The following XYLB variants were observed in gnomAD, a reference collection of about 807,000 sequenced individuals.
The protein encoded by XYLB is xylulose kinase.
A neutral mutation model predicts 78.7 loss-of-function variants in XYLB; 62 were observed. The ratio of observed to expected loss-of-function variants is 0.79; its 90% CI spans 0.64 to 0.97. The LOEUF is 0.97. Ranked by LOEUF, XYLB falls within the 50% of genes least tolerant of loss-of-function variation. The pLI is 0.00. For missense variants in XYLB, 687 were observed against 676.8 expected, an observed-to-expected ratio of 1.02 and a Z score of -0.17; for synonymous variants, 245 against 247.4, an observed-to-expected ratio of 0.99 and a Z score of 0.09.
At chr3:38,381,171 T>C (rs1707125163) in intron 15 of XYLB, among the ~76,000 whole-genome samples, 1 of 152,238 alleles carries the variant, frequency 6.6e-6, no homozygotes, top group Admixed American at 6.5e-5. Flanking sequence ...GAAGATTTCA[T>C]GGACATTTAT....
the XYLB span, among the ~76,000 whole-genome samples, chr3:38,439,537 C>T: frequency 6.6e-6 from 1 of 152,098 alleles, no homozygotes. Flanking sequence ...CCGAGGCAGG[C>T]AGATCACAAG....
At chr3:38,419,860 G>T (rs185886899), downstream of XYLB, among the ~76,000 whole-genome samples, 169 of 151,390 alleles carry the variant, frequency 1.1e-3, no homozygotes, top group African/African-American at 3.6e-3. Context: ...TTGCTCTGTC[G>T]CCAGGCTGGA....
the XYLB span, among the ~76,000 whole-genome samples, chr3:38,431,082 T>A: frequency 3.3e-5 from 5 of 152,236 alleles, no homozygotes; most frequent in Non-Finnish European, 7.3e-5. Context: ...TTTTTTCCAA[T>A]TCTGTGAAGA....
the XYLB span, among the ~76,000 whole-genome samples, chr3:38,448,773 G>A: frequency 1.3e-5 from 2 of 152,126 alleles, no homozygotes; most frequent in Admixed American, 6.5e-5. Context: ...TCTAGGGCTG[G>A]TTTAGCTCCA....
At chr3:38,380,761 C>T (rs1707106065) in intron 15 of XYLB, among the ~76,000 whole-genome samples, 1 of 152,132 alleles carries the variant, frequency 6.6e-6, no homozygotes, top group African/African-American at 2.4e-5. Context: ...TGCTGAATAG[C>T]CCCACAGTGG....
intron 18 of XYLB, among the ~76,000 whole-genome samples, chr3:38,405,595 A>C (rs1276978625): frequency 6.6e-6 from 1 of 152,234 alleles, no homozygotes; most frequent in East Asian, 1.9e-4. Context: ...GCCTCACTCG[A>C]GAAGTGCAAG....
At chr3:38,447,612 T>A in the XYLB span, among the ~76,000 whole-genome samples, 7 of 151,514 alleles carry the variant, frequency 4.6e-5, no homozygotes, top group African/African-American at 9.7e-5. Context: ...TGTCACCACA[T>A]CTGGCCGAAA....
At chr3:38,420,697 A>G (rs528160790), downstream of XYLB, among the ~76,000 whole-genome samples, 70 of 151,266 alleles carry the variant, frequency 4.6e-4, no homozygotes, top group African/African-American at 1.6e-3. Context: ...GTCAGTGTTA[A>G]TAATACGTAT....
chr3:38,447,810 T>G, the XYLB span, among the ~76,000 whole-genome samples: 1 of 152,218 alleles, frequency 6.6e-6, no homozygotes, highest in Non-Finnish European at 1.5e-5. Flanking sequence ...TTGTTTATTA[T>G]TGCACTATTC....
intron 4 of XYLB, among the ~76,000 whole-genome samples, chr3:38,364,645 T>G (rs952727956): frequency 6.6e-6 from 1 of 150,802 alleles, no homozygotes; most frequent in South Asian, 2.2e-4. Flanking sequence ...CTGATACTCA[T>G]GACCACTTCC....
In XYLB at chr3:38,370,100, C is replaced by G. The variant is rs1559586881; in HGVS notation, c.691C>G (p.Gln231Glu). 1.2e-6 allele frequency: 2 copies of G among 1,614,224 alleles called. No homozygotes were observed. The highest frequency in any genetic ancestry group is 4.5e-5 in the East Asian group (2 of 44,884). The change falls in exon 9 of 19, where the codon CAG becomes GAG. Residue 231 changes from glutamine to glutamate, a missense_variant. Coordinates refer to ENST00000207870, the MANE Select transcript of XYLB (RefSeq NM_005108.4). ...GCAGATACAGGATAAAGTCTGGTCC[C>G]AGGCTTGCCTTGGTGCCTGTGCACC... ...LLQIQDKVWS[Q>E]ACLGACAPHL...
At chr3:38,391,447 A>G (rs1325916316) in intron 15 of XYLB, among the ~76,000 whole-genome samples, 1 of 152,172 alleles carries the variant, frequency 6.6e-6, no homozygotes, top group African/African-American at 2.4e-5. Context: ...ACTTCATGAT[A>G]CATGGAATTA....
Position 38,353,778 on chromosome 3 carries a change from T to C in XYLB, c.140+5146T>C, listed in dbSNP as rs1705493812. Among the ~76,000 whole-genome samples, 4 of 150,246 alleles carry C rather than the reference T, an allele frequency of 2.7e-5. No homozygotes were observed. In the Admixed American group the frequency reaches 2.7e-4, roughly 10 times the overall value. Reference sequence around the variant, plus strand: ...GGTGGGTGCCTGTAGTCTCAGCTACTTGGGAGGCTGAGGCAGGAGAATCAC... The same window carrying C: ...GGTGGGTGCCTGTAGTCTCAGCTACCTGGGAGGCTGAGGCAGGAGAATCAC... On this transcript the variant is annotated intron_variant, in intron 2 of 18. Transcript: ENST00000207870.
intron 2 of XYLB, among the ~76,000 whole-genome samples, chr3:38,359,494 C>T (rs1705854395): frequency 6.6e-6 from 1 of 152,236 alleles, no homozygotes; most frequent in African/African-American, 2.4e-5. Flanking sequence ...AACCACTGAT[C>T]TCCTTTTCTC....
chr3:38,348,007 G>T (rs1705162961), intron 1 of XYLB, among the ~76,000 whole-genome samples: 1 of 152,254 alleles, frequency 6.6e-6, no homozygotes, highest in Non-Finnish European at 1.5e-5. Context: ...GACTCGAGTT[G>T]CCTTGCTGGA....
chr3:38,438,342 C>T, the XYLB span, among the ~76,000 whole-genome samples: 1 of 152,058 alleles, frequency 6.6e-6, no homozygotes. Context: ...TTACAAGAAA[C>T]CAATGAAAGA....
the XYLB span, among the ~76,000 whole-genome samples, chr3:38,434,279 T>C: frequency 6.6e-6 from 1 of 152,168 alleles, no homozygotes; most frequent in Non-Finnish European, 1.5e-5. Context: ...TATAGTCTGA[T>C]TTTCTAAAGT....
chr3:38,376,202 T>A lies in XYLB; in HGVS notation c.1090T>A (p.Ser364Thr). Reference sequence around the variant, plus strand: ...GAGCGATTTCTCTAAGGCACTGCAGTCCACAGAGATGGGCAACGGTGGAAA... The same window carrying A: ...GAGCGATTTCTCTAAGGCACTGCAGACCACAGAGATGGGCAACGGTGGAAA... ...SWSDFSKALQ[S>T]TEMGNGGNLG... The change falls in exon 13 of 19, where the codon TCC (serine) becomes ACC (threonine). Residue 364 changes from serine (S) to threonine (T), a missense_variant. Coordinates refer to ENST00000207870, the MANE Select transcript of XYLB (RefSeq NM_005108.4). 1 of 1,613,822 alleles carries A rather than the reference T, an allele frequency of 6.2e-7. No homozygotes were observed. Among genetic ancestry groups the A allele is most frequent in the Non-Finnish European group, 8.5e-7 (1 of 1,179,756 alleles).
chr3:38,362,976 T>C lies in XYLB; in HGVS notation c.250T>C (p.Phe84Leu). Reference protein sequence around the residue: ...IILEKMKASGFDFSQVLALSG... With the variant: ...IILEKMKASGLDFSQVLALSG... ...CTTGGAGAAGATGAAGGCTTCGGGC[T>C]TCGACTTCTCTCAAGTCCTAGCCTT... Residue 84 changes from phenylalanine to leucine, a missense_variant, in exon 4 of 19, where the codon TTC (phenylalanine) becomes CTC (leucine). Transcript: ENST00000207870. 1 of 1,585,372 alleles carries C rather than the reference T, an allele frequency of 6.3e-7. No individual in the cohort carries two copies. Among genetic ancestry groups the C allele is most frequent in the African/African-American group, 1.4e-5 (1 of 73,914 alleles).
Sources: allele counts gnomAD v4.1 joint callset (sites outside exome capture counted in the v4.1 genomes callset), GRCh38; gene constraint gnomAD v4.1.1; transcripts MANE v1.5; gene names NCBI Gene and HGNC (gene_info 2026-07-23, HGNC 2026-07-21).